OPHN1: variants seen among roughly 807,000 people sequenced by gnomAD.
The protein encoded by OPHN1 is oligophrenin-1.
In OPHN1, 11 loss-of-function variants were observed where a neutral mutation model predicts 60.7. The observed-to-expected ratio is 0.18, with a 90% confidence interval of 0.11 to 0.30. The LOEUF is 0.30. Among genes scored for constraint, OPHN1 ranks in the 10% least tolerant of loss-of-function variants. The probability of loss-of-function intolerance (pLI) is 1.00; values close to 1 mark genes in which losing one functional copy is unlikely to be tolerated. For synonymous variants in OPHN1, 226 were observed against 222.6 expected (o/e 1.02, Z -0.14); for missense variants, 449 against 611.0 (o/e 0.73, Z 2.80).
chrX:68,270,436 G>A (rs1389870824), intron 5 of OPHN1, among the ~76,000 whole-genome samples: 1 of 109,948 alleles, frequency 9.1e-6, no homozygotes, highest in African/African-American at 3.3e-5. Flanking sequence ...CATGTCCTTT[G>A]TGGGGACATG....
chrX:68,417,181 C>T (rs1440412384), intron 2 of OPHN1, among the ~76,000 whole-genome samples: 1 of 111,178 alleles, frequency 9.0e-6, no homozygotes, highest in Non-Finnish European at 1.9e-5. Context: ...CTGCAACTTC[C>T]ACCTCTGGGG....
Position 68,208,831 on chromosome X carries a change from G to A in OPHN1, c.832+1322C>T, listed in dbSNP as rs753020638. On this transcript the variant is annotated intron_variant, in intron 9 of 24. Transcript: ENST00000355520. ...GAGATTACTATGAGCACAAAGTGAG[G>A]AGGCCAGGGATGCTTCTAAATATAC... Among the ~76,000 whole-genome samples, 377 of 111,825 alleles carry A rather than the reference G, an allele frequency of 3.4e-3. 2 individuals are homozygous for A. Among genetic ancestry groups the A allele is most frequent in the African/African-American group, 0.012 (370 of 30,745 alleles).
chrX:68,362,193 T>C (rs1236989864), intron 2 of OPHN1, among the ~76,000 whole-genome samples: 1 of 112,321 alleles, frequency 8.9e-6, no homozygotes, highest in Non-Finnish European at 1.9e-5. Flanking sequence ...GTTGATTGTG[T>C]TCTTGCTATG....
chrX:68,187,667 G>C (rs1035778246), intron 15 of OPHN1, among the ~76,000 whole-genome samples: 1 of 110,694 alleles, frequency 9.0e-6, no homozygotes, highest in Non-Finnish European at 1.9e-5. Flanking sequence ...TTGCTCTGTC[G>C]CCCAGGCTGG....
chrX:68,079,690 C>T (rs945191799), intron 19 of OPHN1, among the ~76,000 whole-genome samples: 1 of 111,790 alleles, frequency 8.9e-6, no homozygotes, highest in Admixed American at 9.5e-5. Context: ...GTTTCTATAC[C>T]AATATATCTA....
chrX:68,227,317 G>A (rs2077700166), intron 6 of OPHN1, among the ~76,000 whole-genome samples: 1 of 110,535 alleles, frequency 9.0e-6, no homozygotes, highest in Admixed American at 9.7e-5. Flanking sequence ...GGGAGACTTT[G>A]ACACCCCACT....
At chrX:68,211,798 A>G (rs1352329786) in intron 8 of OPHN1, among the ~76,000 whole-genome samples, 1 of 112,413 alleles carries the variant, frequency 8.9e-6, no homozygotes, top group African/African-American at 3.2e-5. Flanking sequence ...CTGGGCTCAA[A>G]TAAGCCTATA....
chrX:68,070,517 G>A (rs1371311862), intron 20 of OPHN1: 3 of 646,849 alleles, frequency 4.6e-6, no homozygotes, highest in East Asian at 6.4e-5. Context: ...AGGCAGAAAA[G>A]TACTAAATAT....
intron 12 of OPHN1, among the ~76,000 whole-genome samples, 199 bp from the exon 13 acceptor site, chrX:68,194,697 G>A (rs2077503101): frequency 1.8e-5 from 2 of 111,432 alleles, no homozygotes; most frequent in Admixed American, 1.9e-4. Context: ...GGCCAGGCGT[G>A]GTGGCTCATG....
intron 2 of OPHN1, among the ~76,000 whole-genome samples, chrX:68,427,267 CA>C (rs60749159): frequency 3.5e-4 from 29 of 82,233 alleles, no homozygotes; most frequent in Admixed American, 4.3e-4. Flanking sequence ...AACTCTGTCT[CA>C]AAAAAAAAAA....
chrX:68,160,033 T>C (rs1052425878), intron 15 of OPHN1, among the ~76,000 whole-genome samples: 4 of 109,119 alleles, frequency 3.7e-5, no homozygotes, highest in African/African-American at 1.3e-4. Context: ...ATGCTTTCTA[T>C]AGCAAACACA....
intron 19 of OPHN1, among the ~76,000 whole-genome samples, chrX:68,081,436 T>C (rs2076974083): frequency 9.0e-6 from 1 of 111,561 alleles, no homozygotes; most frequent in Admixed American, 9.5e-5. Context: ...ATCTACCTCA[T>C]AGGGTTGTTG....
chrX:68,349,208 AG>A (rs2078393797), intron 2 of OPHN1, among the ~76,000 whole-genome samples: 2 of 111,276 alleles, frequency 1.8e-5, no homozygotes, highest in Non-Finnish European at 3.8e-5. Flanking sequence ...CAAATTAACA[AG>A]AAAAAAAAAC....
intron 3 of OPHN1, among the ~76,000 whole-genome samples, chrX:68,285,702 C>A (rs748425571): frequency 3.6e-5 from 4 of 110,513 alleles, no homozygotes; most frequent in Non-Finnish European, 7.6e-5. Context: ...TCATTTTTCT[C>A]AATCATTATT....
At chrX:68,214,071 A>G (rs2077597474) in intron 6 of OPHN1, 99 bp from the exon 7 acceptor site, 1 of 535,922 alleles carries the variant, frequency 1.9e-6, no homozygotes, top group Non-Finnish European at 3.3e-6. Context: ...ATGAGCATTT[A>G]GCCACCAACT....
At chrX:68,428,002 T>C (rs1317045670) in intron 2 of OPHN1, among the ~76,000 whole-genome samples, 1 of 110,688 alleles carries the variant, frequency 9.0e-6, no homozygotes, top group Non-Finnish European at 1.9e-5. Flanking sequence ...ATGGTGGCTG[T>C]AATCCAGCTC....
chrX:68,235,696 A>G (rs1020900016), intron 5 of OPHN1, among the ~76,000 whole-genome samples: 2 of 108,466 alleles, frequency 1.8e-5, no homozygotes, highest in African/African-American at 3.4e-5. Flanking sequence ...AAAAAAAAAA[A>G]AGAGAAAAAA....
At chrX:68,193,776 A>G (rs1177486188) in intron 14 of OPHN1, 114 bp downstream of exon 14, 3 of 639,015 alleles carry the variant, frequency 4.7e-6, no homozygotes, top group Non-Finnish European at 5.1e-6. Flanking sequence ...TGCATCTACT[A>G]CACAAGCTTT....
chrX:68,215,272 G>GA (rs1176651985), intron 6 of OPHN1, among the ~76,000 whole-genome samples: 12 of 110,997 alleles, frequency 1.1e-4, no homozygotes, highest in Middle Eastern at 4.8e-3. Flanking sequence ...GTGGGAAACT[G>GA]AAATGCAAAG....
Sources: gnomAD v4.1 joint callset for allele counts (sites outside exome capture counted in the v4.1 genomes callset) on GRCh38, gnomAD v4.1.1 for gene constraint, MANE v1.5 for transcripts, NCBI Gene and HGNC (gene_info 2026-07-23, HGNC 2026-07-21) for gene names.